The following EPHB1 variants were observed in gnomAD, a reference collection of about 807,000 sequenced individuals.
The protein encoded by EPHB1 is EPH receptor B1.
A neutral mutation model predicts 94.4 loss-of-function variants in EPHB1; 30 were observed. The ratio of observed to expected loss-of-function variants is 0.32; its 90% confidence interval spans 0.24 to 0.43. The LOEUF is 0.43. Among genes scored for constraint, EPHB1 ranks in the 20% least tolerant of loss-of-function variants. The probability of loss-of-function intolerance (pLI) is 1.00; values close to 1 mark genes in which losing one functional copy is unlikely to be tolerated. For missense variants in EPHB1, 1,055 were observed against 1,308.3 expected (o/e 0.81, Z 2.99); for synonymous variants, 522 against 489.1 (o/e 1.07, Z -0.89).
intron 3 of EPHB1, among the ~76,000 whole-genome samples, chr3:135,089,062 T>C (rs1938468350): frequency 6.6e-6 from 1 of 152,234 alleles, no homozygotes; most frequent in Non-Finnish European, 1.5e-5. Flanking sequence ...TGGCTCTAAG[T>C]AGTAGAGTCT....
At chr3:134,994,083 A>T (rs1419362037) in intron 3 of EPHB1, among the ~76,000 whole-genome samples, 1 of 152,076 alleles carries the variant, frequency 6.6e-6, no homozygotes, top group African/African-American at 2.4e-5. Flanking sequence ...CTGTCATGGC[A>T]CTTGTCACAC....
chr3:134,950,291 A>G (rs1255547530), intron 2 of EPHB1, among the ~76,000 whole-genome samples: 1 of 152,084 alleles, frequency 6.6e-6, no homozygotes, highest in East Asian at 1.9e-4. Flanking sequence ...CTAAAGTAAC[A>G]CCCTCCAGCA....
chr3:134,949,532 A>G (rs1932934843), intron 2 of EPHB1, among the ~76,000 whole-genome samples: 1 of 152,194 alleles, frequency 6.6e-6, no homozygotes, highest in Non-Finnish European at 1.5e-5. Flanking sequence ...CAATTGCAGT[A>G]TATTTTCCAT....
At chr3:134,884,292 T>A (rs780916108) in intron 1 of EPHB1, among the ~76,000 whole-genome samples, 27 of 152,220 alleles carry the variant, frequency 1.8e-4, no homozygotes, top group Admixed American at 3.3e-4. Flanking sequence ...ATTTGAATGC[T>A]TCTTGTTGGG....
chr3:134,883,163 G>T (rs1342813704), intron 1 of EPHB1, among the ~76,000 whole-genome samples: 6 of 152,112 alleles, frequency 3.9e-5, no homozygotes, highest in Admixed American at 1.3e-4. Context: ...AATATGAAAG[G>T]TCCCTTGCTT....
intron 2 of EPHB1, among the ~76,000 whole-genome samples, chr3:134,948,888 A>G (rs1185692136): frequency 6.6e-6 from 1 of 152,232 alleles, no homozygotes; most frequent in Non-Finnish European, 1.5e-5. Context: ...TAATTAAGTG[A>G]GGGGATTTTC....
chr3:134,932,152 A>T (rs1324069460), intron 2 of EPHB1, among the ~76,000 whole-genome samples: 1 of 152,154 alleles, frequency 6.6e-6, no homozygotes, highest in Non-Finnish European at 1.5e-5. Context: ...GACTGAATGG[A>T]GAGCTTCCAG....
At chr3:135,107,972 A>G (rs1413156465) in intron 4 of EPHB1, among the ~76,000 whole-genome samples, 1 of 152,198 alleles carries the variant, frequency 6.6e-6, no homozygotes, top group Admixed American at 6.5e-5. Flanking sequence ...TAAGCCCAAA[A>G]AGCATTGTTT....
intron 1 of EPHB1, among the ~76,000 whole-genome samples, chr3:134,852,112 C>T (rs2036998325): frequency 6.6e-6 from 1 of 152,188 alleles, no homozygotes; most frequent in African/African-American, 2.4e-5. Context: ...CGTATTTCTA[C>T]CTGTTTTAAG....
rs924633282 is a variant in EPHB1, at chr3:135,043,426, A to G, written c.806-63022A>G. Among the ~76,000 whole-genome samples the G allele has an allele frequency of 2.6e-5, 4 of 152,258 alleles. No homozygotes were observed. The South Asian group carries it at 8.3e-4, about 32-fold the overall frequency. ...CATCATTCCCAAATCTCAATTTCAGAGTGAGAAGCCCTCTATGAGAAAGGT... is the reference window on the plus strand; with the variant it reads ...CATCATTCCCAAATCTCAATTTCAGGGTGAGAAGCCCTCTATGAGAAAGGT... On this transcript the variant is annotated intron_variant, in intron 3 of 15. Transcript: ENST00000398015.
At chr3:134,807,094 G>A (rs1435942699) in intron 1 of EPHB1, among the ~76,000 whole-genome samples, 1 of 152,192 alleles carries the variant, frequency 6.6e-6, no homozygotes, top group Non-Finnish European at 1.5e-5. Context: ...AGATGATGCA[G>A]CCCCATCTCT....
At chr3:134,814,553 T>A (rs1011954369) in intron 1 of EPHB1, among the ~76,000 whole-genome samples, 2 of 152,126 alleles carry the variant, frequency 1.3e-5, no homozygotes, top group African/African-American at 4.8e-5. Context: ...AGTGGATTGA[T>A]GCTGATAGAA....
intron 4 of EPHB1, among the ~76,000 whole-genome samples, chr3:135,129,606 A>G (rs547063239): frequency 6.6e-6 from 1 of 152,352 alleles, no homozygotes; most frequent in African/African-American, 2.4e-5. Context: ...AGACCAGACA[A>G]CTGCCCCTGT....
At chr3:134,934,388 C>T (rs1449049213) in intron 2 of EPHB1, among the ~76,000 whole-genome samples, 2 of 152,122 alleles carry the variant, frequency 1.3e-5, no homozygotes, top group Non-Finnish European at 2.9e-5. Flanking sequence ...AAGGCAGTGG[C>T]CACGAGATTC....
At chr3:135,078,965 A>C (rs1055148184) in intron 3 of EPHB1, among the ~76,000 whole-genome samples, 1 of 152,134 alleles carries the variant, frequency 6.6e-6, no homozygotes, top group Non-Finnish European at 1.5e-5. Context: ...TCATTGGGAT[A>C]AGAGTTCTTG....
At chr3:135,168,623 G>A (rs1283622622) in intron 9 of EPHB1, among the ~76,000 whole-genome samples, 1 of 152,158 alleles carries the variant, frequency 6.6e-6, no homozygotes, top group Non-Finnish European at 1.5e-5. Flanking sequence ...ACTCACCAGG[G>A]TGCCTCCGTA....
chr3:135,159,840 A>T (rs1368783866), intron 6 of EPHB1, among the ~76,000 whole-genome samples: 1 of 152,180 alleles, frequency 6.6e-6, no homozygotes, highest in African/African-American at 2.4e-5. Context: ...GGGCATTTCT[A>T]TGCCACCCAC....
At chr3:135,238,817 GA>G (rs1943712978) in intron 12 of EPHB1, among the ~76,000 whole-genome samples, 1 of 152,064 alleles carries the variant, frequency 6.6e-6, no homozygotes, top group African/African-American at 2.4e-5. Context: ...GGTATTTTGA[GA>G]AAACCAAAGC....
intron 12 of EPHB1, among the ~76,000 whole-genome samples, chr3:135,219,101 AG>A (rs1195537077): frequency 2.2e-4 from 33 of 152,270 alleles, no homozygotes; most frequent in Non-Finnish European, 4.4e-5. Context: ...AAAGAAACTG[AG>A]GTAGACGTAA....
Sources: gnomAD v4.1 joint callset for allele counts (sites outside exome capture counted in the v4.1 genomes callset) on GRCh38, gnomAD v4.1.1 for gene constraint, MANE v1.5 for transcripts, NCBI Gene and HGNC (gene_info 2026-07-23, HGNC 2026-07-21) for gene names.